ATXN7L1: variants seen among roughly 807,000 people sequenced by gnomAD.
The protein encoded by ATXN7L1 is ataxin-7-like protein 1.
A neutral mutation model predicts 70.8 loss-of-function variants in ATXN7L1; 15 were observed. The observed-to-expected ratio is 0.21, with a 90% CI of 0.14 to 0.33. The LOEUF is 0.33. Among genes scored for constraint, ATXN7L1 ranks in the 10% least tolerant of loss-of-function variants. The pLI is 1.00. For missense variants in ATXN7L1, 975 were observed against 1,097.1 expected, an observed-to-expected ratio of 0.89 and a Z score of 1.57; for synonymous variants, 440 against 445.1, an observed-to-expected ratio of 0.99 and a Z score of 0.14.
intron 7 of ATXN7L1, among the ~76,000 whole-genome samples, 194 bp from the exon 8 acceptor site, chr7:105,624,461 C>A (rs1321399120): frequency 1.3e-5 from 2 of 152,036 alleles, no homozygotes. Context: ...ACCATCCTGG[C>A]CAACATGGTG....
rs556048408 is a variant in ATXN7L1, at chr7:105,740,784, T to TTTG, written c.355+47819_355+47820insCAA. Among the ~76,000 whole-genome samples the TTTG allele has an allele frequency of 4.5e-4, 35 of 77,934 alleles. 10 individuals are homozygous for TTTG. Among genetic ancestry groups the TTTG allele is most frequent in the East Asian group, 2.0e-3 (3 of 1,502 alleles). The allele number at this position is 77,934 out of a possible 152,430, so 51.1% of individuals were successfully genotyped here. A position where few individuals can be genotyped will look rare whatever the true frequency, so the allele number is the denominator to read the frequency against. ...GGCTCCATTCATTTTTTTTTTTTTT[T>TTTG]AATGGAGTCTCACTCTGTCGCCCAG... is the stretch of plus-strand genomic sequence containing the variant. On this transcript the variant is annotated intron_variant, in intron 3 of 11. Transcript: ENST00000419735.
chr7:105,765,316 A>AG (rs35886740), intron 3 of ATXN7L1, among the ~76,000 whole-genome samples: 1 of 65,870 alleles, frequency 1.5e-5, no homozygotes, highest in Admixed American at 1.7e-4. Flanking sequence ...CCTGGGTCAG[A>AG]AAAAAAAAAA....
Position 105,613,905 on chromosome 7 carries a change from A to G in ATXN7L1, c.2429T>C (p.Leu810Pro). 1 of 1,552,148 alleles carries G rather than the reference A, an allele frequency of 6.4e-7. No homozygotes were observed. The highest frequency in any genetic ancestry group is 8.7e-7 in the Non-Finnish European group (1 of 1,147,054). Residue 810 changes from leucine (L) to proline (P), a missense_variant, in exon 10 of 12, where the codon CTC becomes CCC. Leu to Pro is a moderately conservative substitution (Grantham distance 98). This residue lies in a region of ATXN7L1 where 635 missense variants were observed against 699.4 expected (regional missense o/e 0.91). Transcript: ENST00000419735. ...GTTAACGGGATCGGGCACCGGTGCG[A>G]GAAGGCTGGGCGGGTTCTTTTTGTG... is the stretch of plus-strand genomic sequence containing the variant. ...SVHKKNPPSLLAPVPDPVNST... is the reference protein window; with the variant it reads ...SVHKKNPPSLPAPVPDPVNST...
intron 3 of ATXN7L1, among the ~76,000 whole-genome samples, chr7:105,787,867 G>A (rs895586252): frequency 2.6e-5 from 4 of 152,278 alleles, no homozygotes; most frequent in Non-Finnish European, 5.9e-5. Context: ...TTACAGCTTT[G>A]GAAATTGTCT....
At chr7:105,823,027 A>G (rs1364705006) in intron 2 of ATXN7L1, among the ~76,000 whole-genome samples, 1 of 152,130 alleles carries the variant, frequency 6.6e-6, no homozygotes, top group African/African-American at 2.4e-5. Flanking sequence ...ATAGCTTGAA[A>G]GCCACAGCTC....
In ATXN7L1 at chr7:105,859,055, G is replaced by A. The variant is rs1816158534; in HGVS notation, c.250+16757C>T. ...AATGCAGCTATAAGCTTTTGGGGGTGGGGGCATGACAGGTGAATTTTGAAC... is the reference window on the plus strand; with the variant it reads ...AATGCAGCTATAAGCTTTTGGGGGTAGGGGCATGACAGGTGAATTTTGAAC... On this transcript the variant is annotated intron_variant, in intron 2 of 11. Coordinates refer to ENST00000419735, the MANE Select transcript of ATXN7L1 (RefSeq NM_020725.2). Among the ~76,000 whole-genome samples, 3 of 151,938 alleles carry A rather than the reference G, an allele frequency of 2.0e-5. No individual in the cohort carries two copies. The South Asian group carries it at 6.2e-4, about 32-fold the overall frequency.
At chr7:105,876,292 T>A (rs1340791947) in intron 1 of ATXN7L1, 86 bp downstream of exon 1, 24 of 1,420,348 alleles carry the variant, frequency 1.7e-5, no homozygotes, top group South Asian at 7.2e-5. Context: ...ACTCTCTCTC[T>A]CACACACACA....
At chr7:105,815,674 C>T (rs1809078027) in intron 2 of ATXN7L1, among the ~76,000 whole-genome samples, 1 of 152,216 alleles carries the variant, frequency 6.6e-6, no homozygotes, top group African/African-American at 2.4e-5. Context: ...GATGTACTCT[C>T]CCCTAAAATG....
chr7:105,810,267 G>A (rs1165839707), intron 2 of ATXN7L1, among the ~76,000 whole-genome samples: 1 of 152,248 alleles, frequency 6.6e-6, no homozygotes, highest in Non-Finnish European at 1.5e-5. Context: ...AGCAGGAAGA[G>A]GATGGCCTTG....
At chr7:105,750,809 A>T (rs1015129856) in intron 3 of ATXN7L1, among the ~76,000 whole-genome samples, 3 of 150,644 alleles carry the variant, frequency 2.0e-5, no homozygotes, top group African/African-American at 7.2e-5. Context: ...TCTCGAAAAA[A>T]ACAACAACAA....
intron 3 of ATXN7L1, among the ~76,000 whole-genome samples, chr7:105,753,969 GC>G (rs59897302): frequency 2.0e-5 from 3 of 148,164 alleles, no homozygotes; most frequent in Admixed American, 6.8e-5. Context: ...TTACAGCTCT[GC>G]CCCCCCAAAA....
At chr7:105,761,296 C>G in intron 3 of ATXN7L1, 5 of 1,599,586 alleles carry the variant, frequency 3.1e-6, no homozygotes, top group Non-Finnish European at 4.3e-6. Flanking sequence ...CTGGAGTCTC[C>G]TCTTCCAGGA....
chr7:105,610,455 C>T (rs1793043626), intron 11 of ATXN7L1, 74 bp downstream of exon 11: 2 of 1,350,922 alleles, frequency 1.5e-6, no homozygotes, highest in Admixed American at 2.1e-5. Flanking sequence ...GGGTCTGACC[C>T]CAGTGTCCAA....
At chr7:105,800,549 C>T (rs1024016105) in intron 2 of ATXN7L1, among the ~76,000 whole-genome samples, 2 of 152,194 alleles carry the variant, frequency 1.3e-5, no homozygotes, top group East Asian at 3.8e-4. Context: ...TATACAGACT[C>T]AGACATTTAT....
In ATXN7L1 at chr7:105,695,114, G is replaced by C. The variant is rs543989020; in HGVS notation, c.356-29826C>G. On this transcript the variant is annotated intron_variant, in intron 3 of 11. Transcript: ENST00000419735. ...TGCAGTGAGCCGAGATCACACCATT[G>C]CATCTCTACTAAAAATACAAAAATT... Among the ~76,000 whole-genome samples, 6 of 150,240 alleles carry C rather than the reference G, an allele frequency of 4.0e-5. No individual in the cohort carries two copies. In the East Asian group the frequency reaches 1.2e-3, roughly 29 times the overall value.
intron 3 of ATXN7L1, among the ~76,000 whole-genome samples, chr7:105,679,578 T>C (rs1422986737): frequency 6.6e-6 from 1 of 152,210 alleles, no homozygotes; most frequent in Non-Finnish European, 1.5e-5. Context: ...GTTGGAACTA[T>C]TGATTTAAGC....
intron 7 of ATXN7L1, among the ~76,000 whole-genome samples, chr7:105,625,848 T>C (rs1429561873): frequency 6.6e-6 from 1 of 152,252 alleles, no homozygotes; most frequent in Non-Finnish European, 1.5e-5. Context: ...TAACTGTTAC[T>C]AGCTTTTACT....
chr7:105,677,331 C>A (rs1056936428), intron 3 of ATXN7L1, among the ~76,000 whole-genome samples: 2 of 152,176 alleles, frequency 1.3e-5, no homozygotes, highest in African/African-American at 4.8e-5. Context: ...CCCCCTGAGC[C>A]CCAGTCTCCT....
At chr7:105,821,126 G>A (rs923858507) in intron 2 of ATXN7L1, among the ~76,000 whole-genome samples, 2 of 152,246 alleles carry the variant, frequency 1.3e-5, no homozygotes, top group East Asian at 3.9e-4. Flanking sequence ...TGCAACCTCT[G>A]CCTCCCGGGT....
Sources: gnomAD v4.1 joint callset for allele counts (sites outside exome capture counted in the v4.1 genomes callset) on GRCh38, gnomAD v4.1.1 for gene constraint, gnomAD v4.1.1 regional missense constraint, MANE v1.5 for transcripts, NCBI Gene and HGNC (gene_info 2026-07-23, HGNC 2026-07-21) for gene names.